SETDB1: variants seen among roughly 807,000 people sequenced by gnomAD.
SETDB1 encodes SET domain bifurcated histone lysine methyltransferase 1.
Under a neutral mutation model 137.4 loss-of-function variants are expected in SETDB1, and 31 were observed. That is an observed-to-expected ratio of 0.23 (90% CI 0.17 to 0.30). The LOEUF is 0.30. Among genes scored for constraint, SETDB1 ranks in the 10% least tolerant of loss-of-function variants. The pLI, the probability that SETDB1 is intolerant of heterozygous loss-of-function variation, is 1.00. For synonymous variants in SETDB1, 548 were observed against 579.9 expected (o/e 0.95, Z 0.79); for missense variants, 1,113 against 1,631.5 (o/e 0.68, Z 5.47).
intron 14 of SETDB1, among the ~76,000 whole-genome samples, chr1:150,952,336 A>G (rs587677628): frequency 6.6e-6 from 1 of 152,284 alleles, no homozygotes; most frequent in South Asian, 2.1e-4. Flanking sequence ...AGAGAGAGAC[A>G]TTGTTGCAGC....
intron 5 of SETDB1, 43 bp downstream of exon 5, chr1:150,941,471 C>A: frequency 8.4e-7 from 1 of 1,193,836 alleles, no homozygotes; most frequent in South Asian, 1.2e-5. Flanking sequence ...GAGGTGAATT[C>A]TTACAGAGAT....
intron 12 of SETDB1, 93 bp downstream of exon 12, chr1:150,949,618 T>G (rs1670439024): frequency 4.3e-6 from 5 of 1,156,372 alleles, no homozygotes; most frequent in Middle Eastern, 2.3e-4. Context: ...GGGCTTAGTT[T>G]AAGCTTATGA....
chr1:150,926,735 C>G lies in SETDB1; in HGVS notation c.-12+218C>G, dbSNP rs587727937. On this transcript the variant is annotated intron_variant, in intron 1 of 21. Coordinates refer to ENST00000692827, the MANE Select transcript of SETDB1 (RefSeq NM_001366418.1). Reference sequence around the variant, plus strand: ...AGAGGAAAATGGAGGCGCTGAAAATCAGATTTTCTTTAACCGTTTGATTAA... The same window carrying G: ...AGAGGAAAATGGAGGCGCTGAAAATGAGATTTTCTTTAACCGTTTGATTAA... 1.1e-4 allele frequency: 61 copies of G among 533,306 alleles called. 1 individual carries two copies. The East Asian group carries it at 1.7e-3, about 15-fold the overall frequency. 33.0% of individuals were successfully genotyped at this position (533,306 alleles called of 1,614,324 possible).
intron 14 of SETDB1, 49 bp downstream of exon 14, chr1:150,951,530 GT>G (rs771419845): frequency 1.9e-5 from 19 of 990,938 alleles, no homozygotes; most frequent in Middle Eastern, 4.2e-4. Context: ...TGAGGAGCAT[GT>G]TCTTGTTTTT....
rs771696305 is a variant in SETDB1 at position 150,960,742 on chromosome 1, G to A, written c.2683G>A (p.Gly895Ser). The A allele has an allele frequency of 5.6e-6, 9 of 1,611,422 alleles. No homozygotes were observed. Among genetic ancestry groups the A allele is most frequent in the East Asian group, 2.2e-5 (1 of 44,882 alleles). ...DLKDQEDGNS[G>S]TEDPEESNDD... ...GAAGGACCAGGAAGATGGCAACAGC[G>A]GTACAGAGGACCCTGAAGAGTCCAA... The change falls in exon 16 of 22, where the codon GGT (glycine) becomes AGT (serine). Residue 895 changes from glycine to serine, a missense_variant. Physicochemically the swap from Gly to Ser is moderately conservative, Grantham distance 56. This residue lies in a region of SETDB1 where 373 missense variants were observed against 412.7 expected (regional missense o/e 0.90). Transcript: ENST00000692827.
At chr1:150,952,063 G>A (rs1355753465) in intron 14 of SETDB1, among the ~76,000 whole-genome samples, 3 of 151,746 alleles carry the variant, frequency 2.0e-5, no homozygotes, top group Non-Finnish European at 2.9e-5. Flanking sequence ...CAGGAGAATC[G>A]CTTGAATCCA....
At chr1:150,949,673 T>A (rs1670440404) in intron 12 of SETDB1, 148 bp downstream of exon 12, 1 of 608,726 alleles carries the variant, frequency 1.6e-6, no homozygotes, top group East Asian at 2.9e-5. Flanking sequence ...CCCATAGAAG[T>A]TCCTAAGAAA....
At chr1:150,944,838 C>G (rs1002325704) in intron 8 of SETDB1, 80 bp from the exon 9 acceptor site, 5 of 1,491,094 alleles carry the variant, frequency 3.4e-6, no homozygotes, top group South Asian at 2.5e-5. Context: ...TAAAAAGTAT[C>G]AAATGTCTCC....
At chr1:150,943,129 AC>A in intron 7 of SETDB1, 76 bp downstream of exon 7, 2 of 1,016,562 alleles carry the variant, frequency 2.0e-6, no homozygotes, top group African/African-American at 1.6e-5. Flanking sequence ...TAGACCAGAT[AC>A]CACAATTAGC....
At chr1:150,935,729 A>T (rs753191891) in intron 3 of SETDB1, among the ~76,000 whole-genome samples, 7 of 152,032 alleles carry the variant, frequency 4.6e-5, no homozygotes, top group Non-Finnish European at 1.0e-4. Context: ...TTCTCTTGAG[A>T]TTCTCTTGTT....
rs762351212 is a variant in SETDB1, at chr1:150,927,744, G to A, written c.30G>A (p.Leu10=). MSSLPGCIG[L]DAATATVESE... ...CTTCCCTTCCTGGGTGCATTGGTTTGGATGCAGCAACAGCTACAGTGGAGT... is the reference window on the plus strand; with the variant it reads ...CTTCCCTTCCTGGGTGCATTGGTTTAGATGCAGCAACAGCTACAGTGGAGT... Residue 10 remains leucine (L), a synonymous_variant, in exon 2 of 22, where the codon TTG becomes TTA. Coordinates refer to ENST00000692827, the MANE Select transcript of SETDB1 (RefSeq NM_001366418.1). The A allele has an allele frequency of 6.2e-7, 1 of 1,614,094 alleles. No individual in the cohort carries two copies. The highest frequency in any genetic ancestry group is 2.2e-5 in the East Asian group (1 of 44,892).
At chr1:150,955,782 A>G (rs1025883960) in intron 14 of SETDB1, among the ~76,000 whole-genome samples, 10 of 152,240 alleles carry the variant, frequency 6.6e-5, no homozygotes, top group Middle Eastern at 3.4e-3. Flanking sequence ...AGTTTACCCA[A>G]TGCCTGGCAC....
At position 150,962,638 on chromosome 1, in the gene SETDB1, T is replaced by A. The variant is rs1670859120; in HGVS notation, c.3213T>A (p.Pro1071=). The A allele has an allele frequency of 6.2e-7, 1 of 1,613,406 alleles. No individual in the cohort carries two copies. The highest frequency in any genetic ancestry group is 1.3e-5 in the African/African-American group (1 of 75,036). ...NYGYNPSPVK[P]EGLRRPPSKT... is the part of the protein sequence containing the mutation. ...GTTACAATCCTTCTCCTGTGAAGCC[T>A]GAAGGACTTCGCCGCCCACCTAGTA... is the stretch of plus-strand genomic sequence containing the variant. Residue 1071 remains proline (P), a synonymous_variant, in exon 18 of 22, where the codon CCT becomes CCA. Coordinates refer to ENST00000692827, the MANE Select transcript of SETDB1 (RefSeq NM_001366418.1).
At chr1:150,958,530 A>G (rs1003663885) in intron 14 of SETDB1, among the ~76,000 whole-genome samples, 6 of 151,716 alleles carry the variant, frequency 4.0e-5, no homozygotes, top group Non-Finnish European at 5.9e-5. Context: ...GATTATAGGC[A>G]TGAGCCACCA....
chr1:150,959,327 C>T lies in SETDB1; in HGVS notation c.2483C>T (p.Ser828Phe). 6.2e-7 allele frequency: 1 copy of T among 1,605,172 alleles called. No homozygotes were observed. The highest frequency in any genetic ancestry group is 8.5e-7 in the Non-Finnish European group (1 of 1,177,098). ...TGCTTGGATGACATTGCCAAAGGCT[C>T]TTTTGTTTGTATTTATGCAGGTTGG... ...IRCLDDIAKG[S>F]FVCIYAGKIL... is the part of the protein sequence containing the mutation. The change falls in exon 15 of 22, where the codon TCT becomes TTT. Residue 828 changes from serine to phenylalanine, a missense_variant. By Grantham distance (155) the Ser-to-Phe change is radical. Coordinates refer to ENST00000692827, the MANE Select transcript of SETDB1 (RefSeq NM_001366418.1).
chr1:150,954,490 G>A (rs1670586814), intron 14 of SETDB1, among the ~76,000 whole-genome samples: 1 of 152,122 alleles, frequency 6.6e-6, no homozygotes, highest in Non-Finnish European at 1.5e-5. Flanking sequence ...AAGGATCTTT[G>A]TTTCTGAATT....
rs1456643314 is a variant in SETDB1 at position 150,942,855 on chromosome 1, C to A, written c.677C>A (p.Pro226Gln). Residue 226 changes from proline to glutamine, a missense_variant, in exon 7 of 22, where the codon CCA becomes CAA. Physicochemically the swap from Pro to Gln is moderately conservative, Grantham distance 76. Transcript: ENST00000692827. Reference sequence around the variant, plus strand: ...TTTATCTTTCCCTTTTACTCAGGGCCAGGGAAGAAATACAAGGTGAAATTT... The same window carrying A: ...TTTATCTTTCCCTTTTACTCAGGGCAAGGGAAGAAATACAAGGTGAAATTT... ...GTLIAIQTVG[P>Q]GKKYKVKFDN... 2.5e-6 allele frequency: 4 copies of A among 1,613,480 alleles called. 1 individual carries two copies. The South Asian group carries it at 4.4e-5, about 18-fold the overall frequency.
intron 3 of SETDB1, among the ~76,000 whole-genome samples, chr1:150,931,261 C>CAAAAAAAAAAAAAAAAAAAAAAAA: frequency 1.5e-5 from 1 of 67,516 alleles, no homozygotes; most frequent in African/African-American, 4.4e-5. Context: ...CTCTTGTCTT[C>CAAAAAAAAAAAAAAAAAAAAAAAA]AAAAAAAAAA....
In SETDB1 at chr1:150,939,936, A is replaced by G. The variant is rs1312701702; in HGVS notation, c.413-4A>G. The G allele has an allele frequency of 6.2e-7, 1 of 1,611,818 alleles. No homozygotes were observed. The highest frequency in any genetic ancestry group is 8.5e-7 in the Non-Finnish European group (1 of 1,178,238). The stretch of plus-strand genomic sequence containing the variant: ...ACACTCATTAGAGTTCTTCTCGTCC[A>G]TAGGTGATGCTGGGAGCAGAACTCC... On this transcript the variant is annotated splice_polypyrimidine_tract_variant and splice_region_variant and intron_variant, in intron 3 of 21. Transcript: ENST00000692827.
Sources: allele counts gnomAD v4.1 joint callset (sites outside exome capture counted in the v4.1 genomes callset), GRCh38; gene constraint gnomAD v4.1.1; regional missense constraint gnomAD v4.1.1; transcripts MANE v1.5; gene names NCBI Gene and HGNC (gene_info 2026-07-23, HGNC 2026-07-21).